Variants in NDUFAF2 observed in about 807,000 individuals in gnomAD.
The protein encoded by NDUFAF2 is NADH:ubiquinone oxidoreductase complex assembly factor 2.
In NDUFAF2, 13 loss-of-function variants were observed where a neutral mutation model predicts 22.8. That is an observed-to-expected ratio of 0.57 (90% CI 0.37 to 0.91). The LOEUF (loss-of-function observed/expected upper bound fraction) is 0.91, where lower values mean the gene tolerates loss of function less well. NDUFAF2 is among the 40% of genes least tolerant of loss of function. NDUFAF2 has a pLI of 0.01. For missense variants in NDUFAF2, 162 were observed against 195.2 expected, an observed-to-expected ratio of 0.83 and a Z score of 1.01; for synonymous variants, 53 against 64.2, an observed-to-expected ratio of 0.83 and a Z score of 0.84.
chr5:61,142,313 G>T (rs1741072016), intron 3 of NDUFAF2, among the ~76,000 whole-genome samples: 1 of 152,144 alleles, frequency 6.6e-6, no homozygotes, highest in African/African-American at 2.4e-5. Context: ...TGAGCTCTGT[G>T]ATTAGTTCAT....
chr5:60,983,517 G>T (rs1473004733), intron 1 of NDUFAF2, among the ~76,000 whole-genome samples: 1 of 148,400 alleles, frequency 6.7e-6, no homozygotes, highest in African/African-American at 2.5e-5. Flanking sequence ...TTTCTTCTGG[G>T]GTTTTTATGG....
intron 3 of NDUFAF2, among the ~76,000 whole-genome samples, chr5:61,136,035 A>ATATATATATG (rs1554018957): frequency 4.5e-5 from 4 of 89,814 alleles, no homozygotes; most frequent in African/African-American, 1.6e-4. Context: ...ATATATATAT[A>ATATATATATG]TATATATCTA....
At chr5:61,036,979 C>T (rs1425120213) in intron 1 of NDUFAF2, among the ~76,000 whole-genome samples, 1 of 152,054 alleles carries the variant, frequency 6.6e-6, no homozygotes, top group Non-Finnish European at 1.5e-5. Context: ...GCAAATAGCA[C>T]ACCATCCTAA....
At chr5:61,124,294 T>C (rs1311370757) in intron 3 of NDUFAF2, among the ~76,000 whole-genome samples, 2 of 152,052 alleles carry the variant, frequency 1.3e-5, no homozygotes, top group Non-Finnish European at 2.9e-5. Context: ...CATGATTGTT[T>C]ATATAAATTC....
chr5:61,035,424 G>GT (rs768889484), intron 1 of NDUFAF2, among the ~76,000 whole-genome samples: 7,309 of 40,578 alleles, frequency 0.18, 1,914 homozygotes, highest in Non-Finnish European at 0.2. Flanking sequence ...CTCTTGCTCT[G>GT]TTTTTTTTTT....
At chr5:60,965,320 A>G (rs1266958645) in intron 1 of NDUFAF2, among the ~76,000 whole-genome samples, 1 of 152,004 alleles carries the variant, frequency 6.6e-6, no homozygotes, top group Admixed American at 6.6e-5. Flanking sequence ...TACATTGTGA[A>G]ATGATTAAAT....
chr5:60,948,598 T>C (rs918024236), intron 1 of NDUFAF2, among the ~76,000 whole-genome samples: 6 of 152,152 alleles, frequency 3.9e-5, no homozygotes, highest in African/African-American at 1.4e-4. Flanking sequence ...CATAATTATT[T>C]TGAGATTCAT....
intron 1 of NDUFAF2, among the ~76,000 whole-genome samples, chr5:61,031,280 T>A (rs1751722886): frequency 1.3e-5 from 2 of 152,080 alleles, no homozygotes. Flanking sequence ...ACATTAGACA[T>A]TTCTTGTAAT....
At chr5:61,007,785 A>T (rs896781723) in intron 1 of NDUFAF2, among the ~76,000 whole-genome samples, 5 of 152,190 alleles carry the variant, frequency 3.3e-5, no homozygotes. Context: ...CATTTGACCC[A>T]GTCATCCCAT....
intron 1 of NDUFAF2, among the ~76,000 whole-genome samples, chr5:60,963,478 C>T (rs563710061): frequency 1.1e-4 from 16 of 152,282 alleles, no homozygotes; most frequent in African/African-American, 3.4e-4. Context: ...GTACATTGTA[C>T]TGCATTTCCC....
At chr5:61,103,569 T>G (rs1449600451) in intron 3 of NDUFAF2, among the ~76,000 whole-genome samples, 1 of 152,146 alleles carries the variant, frequency 6.6e-6, no homozygotes, top group Admixed American at 6.6e-5. Context: ...TTCATTTGTG[T>G]GTCATAAGCA....
intron 1 of NDUFAF2, among the ~76,000 whole-genome samples, chr5:60,959,128 CAAATG>C (rs1750652924): frequency 6.6e-6 from 1 of 151,980 alleles, no homozygotes; most frequent in African/African-American, 2.4e-5. Flanking sequence ...AGGATCAAAA[CAAATG>C]AAATGGTCAG....
At chr5:61,064,483 A>G (rs1233885890) in intron 1 of NDUFAF2, among the ~76,000 whole-genome samples, 7 of 152,088 alleles carry the variant, frequency 4.6e-5, no homozygotes, top group Admixed American at 4.6e-4. Context: ...ATTCTTCAGG[A>G]TAGACCTTGT....
rs1740927172 is a variant in NDUFAF2 at position 61,136,009 on chromosome 5, AT to A, written c.259-16694del. 2.4e-4 allele frequency among the ~76,000 whole-genome samples: 4 copies of A among 16,996 alleles called. 1 individual carries two copies. In the South Asian group the frequency reaches 8.2e-3, roughly 35 times the overall value. 11.2% of individuals were successfully genotyped at this position (16,996 alleles called of 152,430 possible). On this transcript the variant is annotated intron_variant, in intron 3 of 3. Transcript: ENST00000296597. Reference sequence around the variant, plus strand: ...TCCCTACATCTAAGCCTGTCTTTATATATATATATATATATATATATATATA... The same window carrying A: ...TCCCTACATCTAAGCCTGTCTTTATAATATATATATATATATATATATATA...
At position 61,098,978 on chromosome 5, in the gene NDUFAF2, A is replaced by C; in HGVS notation, c.218-14A>C. The C allele has an allele frequency of 6.3e-7, 1 of 1,593,266 alleles. No individual in the cohort carries two copies. Among genetic ancestry groups the C allele is most frequent in the Non-Finnish European group, 8.6e-7 (1 of 1,166,634 alleles). On this transcript the variant is annotated splice_polypyrimidine_tract_variant and intron_variant, in intron 2 of 3. Coordinates refer to ENST00000296597, the MANE Select transcript of NDUFAF2 (RefSeq NM_174889.5). ...TATGGGAAACTGACATTTAAATATT[A>C]TTTTTCTTTCTAGCTTGGATTAGAA...
chr5:61,098,900 T>C, intron 2 of NDUFAF2, 92 bp from the exon 3 acceptor site: 2 of 835,826 alleles, frequency 2.4e-6, no homozygotes, highest in Admixed American at 4.1e-5. Context: ...TAAAATAATA[T>C]GGAGTAGGTA....
intron 1 of NDUFAF2, among the ~76,000 whole-genome samples, chr5:61,040,286 A>ACACACACACACGCGCGCGCGCG (rs1491193758): frequency 1.2e-4 from 11 of 93,062 alleles, no homozygotes; most frequent in African/African-American, 4.8e-4. Flanking sequence ...ACACACACAC[A>ACACACACACACGCGCGCGCGCG]CGCGCGCGCG....
At chr5:61,150,963 C>T (rs1741229091) in intron 3 of NDUFAF2, among the ~76,000 whole-genome samples, 2 of 152,120 alleles carry the variant, frequency 1.3e-5, no homozygotes, top group South Asian at 2.1e-4. Context: ...ATACAGAACT[C>T]GCTTACTGTG....
At chr5:61,012,525 C>T (rs73759457) in intron 1 of NDUFAF2, among the ~76,000 whole-genome samples, 2,584 of 152,014 alleles carry the variant, frequency 0.017, 77 homozygotes, top group African/African-American at 0.059. Context: ...CTTTTCCAAT[C>T]TAGTACTTTA....
Sources: gnomAD v4.1 joint callset for allele counts (sites outside exome capture counted in the v4.1 genomes callset) on GRCh38, gnomAD v4.1.1 for gene constraint, MANE v1.5 for transcripts, NCBI Gene and HGNC (gene_info 2026-07-23, HGNC 2026-07-21) for gene names.